Variants in NAV2 observed in about 807,000 individuals in gnomAD.
NAV2 encodes the protein helicase, APC down-regulated 1.
Under a neutral mutation model 223.2 loss-of-function variants are expected in NAV2, and 54 were observed. The ratio of observed to expected loss-of-function variants is 0.24; its 90% CI spans 0.19 to 0.30. The LOEUF (loss-of-function observed/expected upper bound fraction) is 0.30. Among genes scored for constraint, NAV2 ranks in the 10% least tolerant of loss-of-function variants. The probability of loss-of-function intolerance (pLI) is 1.00; values close to 1 mark genes in which losing one functional copy is unlikely to be tolerated. For missense variants in NAV2, 2,806 were observed against 3,147.5 expected (o/e 0.89, Z 2.60); for synonymous variants, 1,279 against 1,239.3 (o/e 1.03, Z -0.67).
At chr11:19,477,424 T>C (rs2042152603) in intron 1 of NAV2, among the ~76,000 whole-genome samples, 1 of 152,234 alleles carries the variant, frequency 6.6e-6, no homozygotes, top group Admixed American at 6.5e-5. Context: ...ATTACTGCCC[T>C]CTGAGGTATA....
intron 22 of NAV2, among the ~76,000 whole-genome samples, chr11:20,074,145 T>C (rs533612342): frequency 1.1e-4 from 17 of 152,374 alleles, no homozygotes; most frequent in African/African-American, 4.1e-4. Context: ...TTTGTTCTCA[T>C]TGGTTTCAAA....
intron 10 of NAV2, among the ~76,000 whole-genome samples, chr11:19,978,407 G>GC (rs2049993901): frequency 6.6e-6 from 1 of 152,120 alleles, no homozygotes; most frequent in Admixed American, 6.5e-5. Context: ...CTTTTCGTCA[G>GC]CCCCCATTAG....
chr11:19,933,411 A>G lies in NAV2; in HGVS notation c.1167A>G (p.Glu389=), dbSNP rs760330230. 1 of 1,580,734 alleles carries G rather than the reference A, an allele frequency of 6.3e-7. No homozygotes were observed. The highest frequency in any genetic ancestry group is 8.6e-7 in the Non-Finnish European group (1 of 1,163,982). ...PGPEAPRPTP[E]AMKPAPNNQK... ...CTGAGGCCCCCAGGCCCACACCTGAAGCCATGAAGCCGGCCCCCAACAATC... is the reference window on the plus strand; with the variant it reads ...CTGAGGCCCCCAGGCCCACACCTGAGGCCATGAAGCCGGCCCCCAACAATC... The change falls in exon 7 of 38, where the codon GAA becomes GAG. Residue 389 remains glutamate, a synonymous_variant. Transcript: ENST00000349880. The surrounding 1 kb of genome is among the most constrained non-coding windows in gnomAD (Gnocchi z 4.3).
chr11:19,976,491 C>T (rs1319291950), intron 10 of NAV2, among the ~76,000 whole-genome samples: 1 of 152,196 alleles, frequency 6.6e-6, no homozygotes, highest in African/African-American at 2.4e-5. Flanking sequence ...GACCTTTTGA[C>T]TCCTCTTTAA....
intron 10 of NAV2, among the ~76,000 whole-genome samples, chr11:19,952,577 T>G (rs193219777): frequency 3.7e-4 from 56 of 152,378 alleles, no homozygotes; most frequent in Admixed American, 3.5e-3. Flanking sequence ...AGAGGCTCTT[T>G]GAGGAAAGTT....
At chr11:19,533,186 T>A (rs925537918) in intron 1 of NAV2, among the ~76,000 whole-genome samples, 2 of 152,120 alleles carry the variant, frequency 1.3e-5, no homozygotes, top group African/African-American at 4.8e-5. Flanking sequence ...ACCAGGAATA[T>A]AGTGTAGACC....
upstream of NAV2, chr11:19,712,002 T>C (rs1014301117): frequency 2.0e-5 from 3 of 152,272 alleles, no homozygotes; most frequent in Non-Finnish European, 4.4e-5. Flanking sequence ...CCTGATCATC[T>C]CTCAGTTTCC....
At chr11:19,363,146 G>A (rs902162722) in intron 1 of NAV2, among the ~76,000 whole-genome samples, 10 of 151,754 alleles carry the variant, frequency 6.6e-5, no homozygotes, top group Admixed American at 6.6e-4. Context: ...CCCACCCCAC[G>A]ACAGGCCCTG....
intron 1 of NAV2, among the ~76,000 whole-genome samples, chr11:19,718,627 C>T (rs1283246410): frequency 1.3e-5 from 2 of 150,122 alleles, no homozygotes; most frequent in Non-Finnish European, 3.0e-5. Context: ...TATTGTGTTA[C>T]TCCCTTTCTT....
At chr11:19,890,525 A>G (rs2041416697) in intron 5 of NAV2, among the ~76,000 whole-genome samples, 2 of 152,140 alleles carry the variant, frequency 1.3e-5, no homozygotes, top group African/African-American at 4.8e-5. Context: ...GTTCCCCTAC[A>G]CCACTTAATA....
chr11:19,886,134 T>A (rs2040947312), intron 5 of NAV2, among the ~76,000 whole-genome samples: 1 of 149,970 alleles, frequency 6.7e-6, no homozygotes, highest in Non-Finnish European at 1.5e-5. Flanking sequence ...CATGCCTCCA[T>A]ACCCAGCTAA....
chr11:19,852,019 G>A (rs1312120555), intron 3 of NAV2, among the ~76,000 whole-genome samples: 1 of 152,224 alleles, frequency 6.6e-6, no homozygotes, highest in Non-Finnish European at 1.5e-5. Flanking sequence ...AGGAATGCAG[G>A]TGGCCTCCAC....
chr11:19,703,778 T>C (rs543473102), intron 1 of NAV2, among the ~76,000 whole-genome samples: 1 of 152,232 alleles, frequency 6.6e-6, no homozygotes, highest in Non-Finnish European at 1.5e-5. Flanking sequence ...CATAAAGCCA[T>C]GTTTTTCAAT....
intron 19 of NAV2, among the ~76,000 whole-genome samples, chr11:20,057,466 G>A (rs2153614922): frequency 6.6e-6 from 1 of 152,298 alleles, no homozygotes; most frequent in African/African-American, 2.4e-5. Flanking sequence ...AGAAGCCTGA[G>A]TCACTGAGGG....
chr11:20,005,010 AT>A lies in NAV2; in HGVS notation c.2768+20764del, dbSNP rs1262640737. The stretch of plus-strand genomic sequence containing the variant: ...GTGAGGCTTACTTGCGATAATCCCA[AT>A]AAACAATAGCTATTATTGGGAAGGA... On this transcript the variant is annotated intron_variant, in intron 11 of 37. Coordinates refer to ENST00000349880, the MANE Select transcript of NAV2 (RefSeq NM_145117.5). Among the ~76,000 whole-genome samples the A allele has an allele frequency of 2.8e-4, 42 of 152,198 alleles. No homozygotes were observed. In the South Asian group the frequency reaches 7.1e-3, roughly 26 times the overall value.
intron 1 of NAV2, among the ~76,000 whole-genome samples, chr11:19,553,358 C>A (rs934492383): frequency 6.6e-6 from 1 of 152,208 alleles, no homozygotes; most frequent in Non-Finnish European, 1.5e-5. Flanking sequence ...GGGAAATGTG[C>A]GGATTCTGTT....
At chr11:20,004,809 T>G (rs1379171994) in intron 11 of NAV2, among the ~76,000 whole-genome samples, 1 of 152,182 alleles carries the variant, frequency 6.6e-6, no homozygotes, top group Non-Finnish European at 1.5e-5. Context: ...TGCCATTCCT[T>G]TTTTCCAATC....
chr11:19,963,093 G>A (rs563861725), intron 10 of NAV2, among the ~76,000 whole-genome samples: 69 of 152,320 alleles, frequency 4.5e-4, no homozygotes, highest in African/African-American at 1.5e-3. Context: ...ACTCAACAGC[G>A]CCTGCTAACC....
upstream of NAV2, among the ~76,000 whole-genome samples, chr11:19,708,327 A>G (rs2049735528): frequency 6.6e-6 from 1 of 151,854 alleles, no homozygotes; most frequent in Non-Finnish European, 1.5e-5. Context: ...AAATTAAGGA[A>G]AAGTGCATTT....
Sources: allele counts gnomAD v4.1 joint callset (sites outside exome capture counted in the v4.1 genomes callset), GRCh38; gene constraint gnomAD v4.1.1; non-coding constraint Gnocchi (gnomAD v3.1); transcripts MANE v1.5; gene names NCBI Gene and HGNC (gene_info 2026-07-23, HGNC 2026-07-21).